TMOD4: variants seen among roughly 807,000 people sequenced by gnomAD.
TMOD4 encodes tropomodulin 4.
Under a neutral mutation model 45.4 loss-of-function variants are expected in TMOD4, and 34 were observed. The ratio of observed to expected loss-of-function variants is 0.75; its 90% CI spans 0.57 to 1.00. The LOEUF (loss-of-function observed/expected upper bound fraction) is 1.00, where lower values mean the gene tolerates loss of function less well. Ranked by LOEUF, TMOD4 falls within the 50% of genes least tolerant of loss-of-function variation. The pLI is 0.00. For synonymous variants in TMOD4, 131 were observed against 153.9 expected (o/e 0.85, Z 1.10); for missense variants, 399 against 437.5 (o/e 0.91, Z 0.78).
rs946409474 is a variant in TMOD4, at chr1:151,173,965, C to T, written c.281-350G>A. On this transcript the variant is annotated intron_variant, in intron 3 of 9. Transcript: ENST00000295314. ...GCACGGTGGCTCATGCCTGTAATCC[C>T]AGCACTTTGGGAGGCTAAGGCGGGC... is the stretch of plus-strand genomic sequence containing the variant. Among the ~76,000 whole-genome samples the T allele has an allele frequency of 2.7e-4, 41 of 152,024 alleles. 2 individuals are homozygous for T. Among genetic ancestry groups the T allele is most frequent in the Non-Finnish European group, 7.4e-5 (5 of 67,956 alleles).
At position 151,174,833 on chromosome 1, in the gene TMOD4, C is replaced by T; in HGVS notation, c.43G>A (p.Asp15Asn). 1 of 1,614,208 alleles carries T rather than the reference C, an allele frequency of 6.2e-7. No homozygotes were observed. The highest frequency in any genetic ancestry group is 8.5e-7 in the Non-Finnish European group (1 of 1,180,032). Residue 15 changes from aspartate (D) to asparagine (N), a missense_variant, in exon 2 of 10, where the codon GAT (aspartate) becomes AAT (asparagine). By Grantham distance (23) the Asp-to-Asn change is conservative (BLOSUM62 1). Coordinates refer to ENST00000295314, the MANE Select transcript of TMOD4 (RefSeq NM_013353.3). ...AAGGTCCTTAGGATCTCATCTTCAT[C>T]TATGTCTCTGTATTTCTCCAGTTCC... ...QKELEKYRDI[D>N]EDEILRTLSP...
At chr1:151,175,026 G>A (rs776067839) in intron 1 of TMOD4, 109 bp from the exon 2 acceptor site, 3 of 862,004 alleles carry the variant, frequency 3.5e-6, no homozygotes, top group Non-Finnish European at 5.4e-6. Flanking sequence ...ATTTCTTGGA[G>A]ATTAGAAGTC....
Position 151,170,906 on chromosome 1 carries a change from A to G in TMOD4, c.870+14T>C, listed in dbSNP as rs752041200. 1.1e-5 allele frequency: 17 copies of G among 1,613,360 alleles called. No individual in the cohort carries two copies. Among genetic ancestry groups the G allele is most frequent in the South Asian group, 4.4e-5 (4 of 91,010 alleles). The stretch of plus-strand genomic sequence containing the variant: ...TGAGACTGAATGCTAACATCAGGGG[A>G]AGGGAATGCTGACCTGATTGTCTAC... On this transcript the variant is annotated intron_variant, in intron 8 of 9. Coordinates refer to ENST00000295314, the MANE Select transcript of TMOD4 (RefSeq NM_013353.3).
chr1:151,172,213 A>G (rs1274729397), intron 5 of TMOD4, 55 bp downstream of exon 5: 29 of 1,381,040 alleles, frequency 2.1e-5, no homozygotes, highest in Non-Finnish European at 2.7e-5. Context: ...CTTCTCCCAG[A>G]CACTAGGACT....
In TMOD4 at chr1:151,171,798, G is replaced by A. The variant is rs587658097; in HGVS notation, c.488-35C>T. 7 of 1,597,278 alleles carry A rather than the reference G, an allele frequency of 4.4e-6. No individual in the cohort carries two copies. In the South Asian group the frequency reaches 4.5e-5, roughly 10 times the overall value. ...GAGGGCAGGAAGGGAACCCCAACAT[G>A]TTCCCCATAATCTCCTCCCCATTGG... is the stretch of plus-strand genomic sequence containing the variant. On this transcript the variant is annotated intron_variant, in intron 5 of 9. Transcript: ENST00000295314.
intron 1 of TMOD4, chr1:151,175,365 A>C (rs2101717284): frequency 6.5e-6 from 1 of 154,148 alleles, no homozygotes; most frequent in South Asian, 2.0e-4. Flanking sequence ...CTTTTTCCTA[A>C]ACCGGATAAA....
intron 7 of TMOD4, among the ~76,000 whole-genome samples, 175 bp downstream of exon 7, chr1:151,171,258 G>A (rs1037912468): frequency 5.3e-5 from 8 of 152,154 alleles, no homozygotes; most frequent in African/African-American, 1.9e-4. Flanking sequence ...GGGACTAGGG[G>A]TGTTAGAGAG....
intron 5 of TMOD4, 121 bp from the exon 6 acceptor site, chr1:151,171,884 T>C (rs182999891): frequency 2.4e-6 from 3 of 1,275,496 alleles, no homozygotes; most frequent in East Asian, 2.5e-5. Context: ...CCACCTAGGC[T>C]GGAATGCAGT....
In TMOD4 at chr1:151,170,948, G is replaced by A. The variant is rs1192027845; in HGVS notation, c.842C>T (p.Thr281Ile). The A allele has an allele frequency of 3.7e-6, 6 of 1,614,168 alleles. No individual in the cohort carries two copies. Among genetic ancestry groups the A allele is most frequent in the Middle Eastern group, 1.7e-4 (1 of 6,052 alleles). Residue 281 changes from threonine to isoleucine, a missense_variant, in exon 8 of 10, where the codon ACA becomes ATA. Coordinates refer to ENST00000295314, the MANE Select transcript of TMOD4 (RefSeq NM_013353.3). Reference sequence around the variant, plus strand: ...ATTGTCTACACGGAGCTCAGTGAGTGTGGCATTTTCCCGAACTGCCTTCAG... The same window carrying A: ...ATTGTCTACACGGAGCTCAGTGAGTATGGCATTTTCCCGAACTGCCTTCAG... The part of the protein sequence containing the change: ...AVLKAVRENA[T>I]LTELRVDNQR...
In TMOD4 at chr1:151,174,375, G is replaced by T; in HGVS notation, c.280+16C>A. ...CACTTGGGTTCTACGAGGCATGGATGTCAGGGTCCCCATACCCTTCTTCTC... is the reference window on the plus strand; with the variant it reads ...CACTTGGGTTCTACGAGGCATGGATTTCAGGGTCCCCATACCCTTCTTCTC... On this transcript the variant is annotated intron_variant, in intron 3 of 9. Transcript: ENST00000295314. The T allele has an allele frequency of 6.2e-7, 1 of 1,611,810 alleles. No individual in the cohort carries two copies. Among genetic ancestry groups the T allele is most frequent in the East Asian group, 2.2e-5 (1 of 44,816 alleles).
Position 151,174,773 on chromosome 1 carries a change from G to A in TMOD4, c.103C>T (p.Leu35=). The A allele has an allele frequency of 6.2e-7, 1 of 1,614,000 alleles. No individual in the cohort carries two copies. ...CCTACCTCAGGATCCATCTCCTGTA[G>A]TTCGCAGTCCAGCTGCTCTAGCTCC... ...PEELEQLDCE[L]QEMDPENMLL... Residue 35 remains leucine, a synonymous_variant, in exon 2 of 10, where the codon CTA becomes TTA. Transcript: ENST00000295314.
chr1:151,174,579 C>G, intron 2 of TMOD4, 32 bp from the exon 3 acceptor site: 2 of 1,611,410 alleles, frequency 1.2e-6, no homozygotes. Flanking sequence ...GCAAGTCAGA[C>G]CTCCCCTCTG....
At chr1:151,174,089 G>C (rs587661568) in intron 3 of TMOD4, among the ~76,000 whole-genome samples, 2 of 152,230 alleles carry the variant, frequency 1.3e-5, no homozygotes, top group East Asian at 1.9e-4. Context: ...GGTGGTGGGC[G>C]CCTGTAGTCC....
intron 3 of TMOD4, among the ~76,000 whole-genome samples, chr1:151,173,986 C>T (rs947897023): frequency 9.2e-5 from 14 of 151,968 alleles, no homozygotes; most frequent in African/African-American, 1.2e-4. Flanking sequence ...GAGGCTAAGG[C>T]GGGCAGATCA....
chr1:151,173,963 C>T (rs1387895345), intron 3 of TMOD4, among the ~76,000 whole-genome samples: 1 of 152,018 alleles, frequency 6.6e-6, no homozygotes, highest in Non-Finnish European at 1.5e-5. Flanking sequence ...TGCCTGTAAT[C>T]CCAGCACTTT....
intron 1 of TMOD4, 77 bp from the exon 2 acceptor site, chr1:151,174,994 G>C: frequency 1.7e-6 from 2 of 1,185,908 alleles, no homozygotes; most frequent in African/African-American, 3.0e-5. Context: ...AGACCAGCCA[G>C]GGGGGCAGAA....
rs140754943 is a variant in TMOD4, at chr1:151,173,609, G to C, written c.287C>G (p.Pro96Arg). 3 of 1,613,642 alleles carry C rather than the reference G, an allele frequency of 1.9e-6. No individual in the cohort carries two copies. In the African/African-American group the frequency reaches 4.0e-5, roughly 22 times the overall value. ...GATTTCCCTCTTGGGCTGAATATAG[G>C]GTTTCCCTGATGGGGAGATGAAGGA... ...VPFTGEKKGK[P>R]YIQPKREIPA... The change falls in exon 4 of 10, where the codon CCC becomes CGC. Residue 96 changes from proline to arginine, a missense_variant. Physicochemically the swap from Pro to Arg is moderately radical, Grantham distance 103 (BLOSUM62 -2). Coordinates refer to ENST00000295314, the MANE Select transcript of TMOD4 (RefSeq NM_013353.3).
Position 151,171,494 on chromosome 1 carries a change from G to C in TMOD4, c.665C>G (p.Ala222Gly), listed in dbSNP as rs28730722. ...MLSELCEAMK[A>G]NTYVRSFSLV... is the part of the protein sequence containing the mutation. ...ACTGAAGCTCCGCACATAGGTATTT[G>C]CCTTCATTGCCTCACACAGCTCACT... The change falls in exon 7 of 10, where the codon GCA becomes GGA. Residue 222 changes from alanine to glycine, a missense_variant. Coordinates refer to ENST00000295314, the MANE Select transcript of TMOD4 (RefSeq NM_013353.3). 8,456 of 1,614,162 alleles carry C rather than the reference G, an allele frequency of 5.2e-3. 41 individuals are homozygous for C. The highest frequency in any genetic ancestry group is 0.011 in the Middle Eastern group (66 of 6,062).
At chr1:151,174,360 C>T in intron 3 of TMOD4, 31 bp downstream of exon 3, 1 of 1,606,428 alleles carries the variant, frequency 6.2e-7, no homozygotes, top group Non-Finnish European at 8.5e-7. Flanking sequence ...CACTTGGGTT[C>T]TACGAGGCAT....
Sources: gnomAD v4.1 joint callset for allele counts (sites outside exome capture counted in the v4.1 genomes callset) on GRCh38, gnomAD v4.1.1 for gene constraint, MANE v1.5 for transcripts, NCBI Gene and HGNC (gene_info 2026-07-23, HGNC 2026-07-21) for gene names.